Variants in TSBP1 observed in about 807,000 individuals in gnomAD.
The protein encoded by TSBP1 is testis-expressed basic protein 1.
A neutral mutation model predicts 68.8 loss-of-function variants in TSBP1; 56 were observed. That is an observed-to-expected ratio of 0.81 (90% CI 0.66 to 1.02). TSBP1 has a LOEUF of 1.02. Ranked by LOEUF, TSBP1 falls within the 50% of genes least tolerant of loss-of-function variation. The pLI, the probability that TSBP1 is intolerant of heterozygous loss-of-function variation, is 0.00. For missense variants in TSBP1, 502 were observed against 641.2 expected (o/e 0.78, Z 2.34); for synonymous variants, 171 against 208.7 (o/e 0.82, Z 1.56).
chr6:32,303,836 G>A (rs1367920302), intron 19 of TSBP1, among the ~76,000 whole-genome samples: 1 of 152,106 alleles, frequency 6.6e-6, no homozygotes, highest in African/African-American at 2.4e-5. Flanking sequence ...CTATTTTAGT[G>A]TTTTCTCTGT....
rs141088463 is a variant in TSBP1 at position 32,302,233 on chromosome 6, G to A, written c.601+376C>T. ...TTTAGGAGGCTAAGGCAAGGGGATC[G>A]TTTGAGGCCAGGACTTTGAGACCAG... On this transcript the variant is annotated intron_variant, in intron 20 of 22. Coordinates refer to ENST00000612031, the Ensembl canonical transcript of TSBP1. This position sits in a 1 kb window ranked among gnomAD's most constrained non-coding sequence, Gnocchi z 5.1. Among the ~76,000 whole-genome samples, 292 of 152,092 alleles carry A rather than the reference G, an allele frequency of 1.9e-3. 2 individuals carry two copies. The highest frequency in any genetic ancestry group is 6.7e-3 in the Admixed American group (103 of 15,276).
At chr6:32,332,291 C>A (rs928544037) in intron 14 of TSBP1, among the ~76,000 whole-genome samples, 1 of 152,106 alleles carries the variant, frequency 6.6e-6, no homozygotes, top group Non-Finnish European at 1.5e-5. Flanking sequence ...AGGATCCTTG[C>A]CAACCTAAGG....
At chr6:32,312,065 G>A (rs1265732773) in intron 19 of TSBP1, among the ~76,000 whole-genome samples, 3 of 152,126 alleles carry the variant, frequency 2.0e-5, no homozygotes, top group African/African-American at 7.2e-5. Flanking sequence ...TGCTCGAGAG[G>A]GAGTTGAGGG....
In TSBP1 at chr6:32,325,431, G is replaced by A. The variant is rs928640595; in HGVS notation, c.515-1817C>T. 2.4e-5 allele frequency: 22 copies of A among 917,084 alleles called. No individual in the cohort carries two copies. The highest frequency in any genetic ancestry group is 6.8e-5 in the Admixed American group (4 of 59,000). 56.8% of individuals were successfully genotyped at this position (917,084 alleles called of 1,614,324 possible). A position where few individuals can be genotyped will look rare whatever the true frequency, so the allele number is the denominator to read the frequency against. On this transcript the variant is annotated intron_variant, in intron 16 of 22. Coordinates refer to ENST00000612031, the Ensembl canonical transcript of TSBP1. This position sits in a 1 kb window ranked among gnomAD's most constrained non-coding sequence, Gnocchi z 4.4. ...CACTGTGGAGGAGGTGGATGCAGCC[G>A]TGAATGCAAGGCCACACAAGGTGGA...
At chr6:32,326,342 G>A (rs1207293860) in intron 16 of TSBP1, among the ~76,000 whole-genome samples, 2 of 152,150 alleles carry the variant, frequency 1.3e-5, no homozygotes, top group African/African-American at 2.4e-5. Flanking sequence ...CAAAAAACTC[G>A]AGGACTGTAT....
rs1380604086 is a variant in TSBP1 at position 32,337,826 on chromosome 6, A to G, written c.409+1153T>C. On this transcript the variant is annotated intron_variant, in intron 11 of 22. Coordinates refer to ENST00000612031, the Ensembl canonical transcript of TSBP1. This position sits in a 1 kb window ranked among gnomAD's most constrained non-coding sequence, Gnocchi z 5.5. ...TGTGCTTTTATGATACCTACCCAGT[A>G]TTTGCTCTCAAAGTTTGACTTGATT... Among the ~76,000 whole-genome samples, 1 of 152,136 alleles carries G rather than the reference A, an allele frequency of 6.6e-6. No individual in the cohort carries two copies. The highest frequency in any genetic ancestry group is 2.4e-5 in the African/African-American group (1 of 41,418).
rs531264331 is a variant in TSBP1 at position 32,315,291 on chromosome 6, G to C, written c.580+481C>G. Reference sequence around the variant, plus strand: ...GAACTAAAATAATGGGGCTGGGCGTGGTGGTTCACACCTGTAAACCCAGCA... The same window carrying C: ...GAACTAAAATAATGGGGCTGGGCGTCGTGGTTCACACCTGTAAACCCAGCA... On this transcript the variant is annotated intron_variant, in intron 19 of 22. Transcript: ENST00000612031. The surrounding 1 kb of genome is among the most constrained non-coding windows in gnomAD (Gnocchi z 5.4). Among the ~76,000 whole-genome samples, 1 of 152,272 alleles carries C rather than the reference G, an allele frequency of 6.6e-6. No individual in the cohort carries two copies. Among genetic ancestry groups the C allele is most frequent in the East Asian group, 1.9e-4 (1 of 5,188 alleles).
rs3129922 is a variant in TSBP1, at chr6:32,365,321, C to T, written c.217+846G>A. 0.54 allele frequency: 246,506 copies of T among 456,322 alleles called. 69,288 individuals carry two copies. The highest frequency in any genetic ancestry group is 0.64 in the Middle Eastern group (1,968 of 3,078). The allele number at this position is 456,322 out of a possible 1,614,324, so 28.3% of individuals were successfully genotyped here. A position where few individuals can be genotyped will look rare whatever the true frequency, so the allele number is the denominator to read the frequency against. ...AAGTTTGTGTCCTTTTTTCCAATCCCACAAAGTCAAACTGACTGTGAGATG... is the reference window on the plus strand; with the variant it reads ...AAGTTTGTGTCCTTTTTTCCAATCCTACAAAGTCAAACTGACTGTGAGATG... On this transcript the variant is annotated intron_variant, in intron 6 of 22. Transcript: ENST00000612031. This position sits in a 1 kb window ranked among gnomAD's most constrained non-coding sequence, Gnocchi z 4.3.
Position 32,325,846 on chromosome 6 carries a change from G to A in TSBP1, c.515-2232C>T, listed in dbSNP as rs561333528. 651 of 1,382,466 alleles carry A rather than the reference G, an allele frequency of 4.7e-4. No individual in the cohort carries two copies. The highest frequency in any genetic ancestry group is 6.0e-4 in the Non-Finnish European group (595 of 984,298). The allele number at this position is 1,382,466 out of a possible 1,614,324, so 85.6% of individuals were successfully genotyped here. On this transcript the variant is annotated intron_variant, in intron 16 of 22. Transcript: ENST00000612031. The surrounding 1 kb of genome is among the most constrained non-coding windows in gnomAD (Gnocchi z 4.4). Reference sequence around the variant, plus strand: ...AGGTGGTGGTCATGGAGGTGGTTTCGGTGGGAATGACAACTTTGATCATGG... The same window carrying A: ...AGGTGGTGGTCATGGAGGTGGTTTCAGTGGGAATGACAACTTTGATCATGG...
At chr6:32,312,705 A>G (rs1766527481) in intron 19 of TSBP1, among the ~76,000 whole-genome samples, 1 of 152,158 alleles carries the variant, frequency 6.6e-6, no homozygotes. Context: ...CTTAGACCCC[A>G]AATCTAGGAG....
chr6:32,360,894 T>C (rs1486272230), intron 6 of TSBP1, among the ~76,000 whole-genome samples: 12 of 149,218 alleles, frequency 8.0e-5, no homozygotes, highest in Non-Finnish European at 1.5e-5. Flanking sequence ...TTTTTTTTTA[T>C]TATACTTTAA....
At chr6:32,358,814 T>C (rs1041686012) in intron 6 of TSBP1, among the ~76,000 whole-genome samples, 20 of 152,282 alleles carry the variant, frequency 1.3e-4, no homozygotes, top group African/African-American at 4.3e-4. Context: ...CGGTGTATCA[T>C]TGATGGACTT....
rs1768135114 is a variant in TSBP1, at chr6:32,325,602, G to A, written c.515-1988C>T. ...CTAAGAAATTATTTTGAGTAGTATG[G>A]AAAAATTGAAGTGATTGAAAACATG... On this transcript the variant is annotated intron_variant, in intron 16 of 22. Coordinates refer to ENST00000612031, the Ensembl canonical transcript of TSBP1. This position sits in a 1 kb window ranked among gnomAD's most constrained non-coding sequence, Gnocchi z 4.4. 1 of 953,898 alleles carries A rather than the reference G, an allele frequency of 1.0e-6. No homozygotes were observed. The highest frequency in any genetic ancestry group is 2.4e-5 in the East Asian group (1 of 41,904). 59.1% of individuals were successfully genotyped at this position (953,898 alleles called of 1,614,324 possible). A position where few individuals can be genotyped will look rare whatever the true frequency, so the allele number is the denominator to read the frequency against.
intron 9 of TSBP1, among the ~76,000 whole-genome samples, chr6:32,342,323 C>G (rs1014915044): frequency 6.6e-6 from 1 of 151,988 alleles, no homozygotes; most frequent in African/African-American, 2.4e-5. Flanking sequence ...ACCACCACGC[C>G]CAGCTAATTT....
chr6:32,332,345 A>T (rs1247156155), intron 14 of TSBP1, among the ~76,000 whole-genome samples: 1 of 152,248 alleles, frequency 6.6e-6, no homozygotes, highest in Non-Finnish European at 1.5e-5. Context: ...TATTAACATT[A>T]CTGATGGTAG....
At position 32,293,625 on chromosome 6, in the gene TSBP1, C is replaced by A. The variant is rs766604573; in HGVS notation, c.1048G>T (p.Glu350Ter). Residue 350 changes from glutamate to a stop codon, truncating the protein, a stop_gained, in exon 23 of 23, where the codon GAA becomes TAA. Coordinates refer to ENST00000612031, the Ensembl canonical transcript of TSBP1. LOFTEE classifies it low-confidence loss of function (END_TRUNC). ...AACCCACTCTTCGTTACTTGGGCTT[C>A]TTGTCCTTTTGGGACACCTGACTCA... 24 of 1,613,056 alleles carry A rather than the reference C, an allele frequency of 1.5e-5. No homozygotes were observed. Among genetic ancestry groups the A allele is most frequent in the Non-Finnish European group, 2.0e-5 (24 of 1,180,016 alleles).
chr6:32,323,280 T>A (rs1767843844), intron 17 of TSBP1, 143 bp from the exon 19 acceptor site: 1 of 664,478 alleles, frequency 1.5e-6, no homozygotes, highest in African/African-American at 1.8e-5. Context: ...CTTGAGTAAG[T>A]ATTTGGCTCA....
At chr6:32,297,599 T>C (rs536211408) in intron 22 of TSBP1, among the ~76,000 whole-genome samples, 1 of 152,360 alleles carries the variant, frequency 6.6e-6, no homozygotes, top group South Asian at 2.1e-4. Context: ...TAAATCATTA[T>C]AGTTCTCAGG....
At chr6:32,317,258 C>G (rs998831136) in intron 18 of TSBP1, among the ~76,000 whole-genome samples, 1 of 152,122 alleles carries the variant, frequency 6.6e-6, no homozygotes, top group African/African-American at 2.4e-5. Flanking sequence ...CAGCCATATG[C>G]AGAAGATTGA....
Sources: allele counts gnomAD v4.1 joint callset (sites outside exome capture counted in the v4.1 genomes callset), GRCh38; gene constraint gnomAD v4.1.1; non-coding constraint Gnocchi (gnomAD v3.1); transcripts MANE v1.5; gene names NCBI Gene and HGNC (gene_info 2026-07-23, HGNC 2026-07-21).